Variants in STOML3 observed in about 807,000 individuals in gnomAD.
STOML3 encodes the protein stomatin-like protein 3.
A neutral mutation model predicts 29.5 loss-of-function variants in STOML3; 31 were observed. The observed-to-expected ratio is 1.05, with a 90% CI of 0.79 to 1.42. The LOEUF is 1.42. Ranked by LOEUF, STOML3 falls within the 40% of genes most tolerant of loss-of-function variation. STOML3 has a pLI of 0.00. For missense variants in STOML3, 380 were observed against 363.0 expected (o/e 1.05, Z -0.38); for synonymous variants, 122 against 139.8 (o/e 0.87, Z 0.90).
intron 1 of STOML3, among the ~76,000 whole-genome samples, chr13:38,988,034 T>C (rs1868698938): frequency 9.1e-6 from 1 of 110,362 alleles, no homozygotes; most frequent in African/African-American, 3.4e-5. Flanking sequence ...TATTATATTT[T>C]ATATCATATA....
chr13:38,975,307 C>G (rs1309106241), intron 3 of STOML3, among the ~76,000 whole-genome samples: 1 of 143,176 alleles, frequency 7.0e-6, no homozygotes, highest in Non-Finnish European at 1.5e-5. Context: ...GGCGACAGAG[C>G]GAGACTCTGT....
At chr13:38,967,746 C>A (rs557497578) in intron 6 of STOML3, among the ~76,000 whole-genome samples, 1 of 152,318 alleles carries the variant, frequency 6.6e-6, no homozygotes, top group South Asian at 2.1e-4. Context: ...GAAACACCTT[C>A]ATCAGCTAAC....
intron 3 of STOML3, among the ~76,000 whole-genome samples, chr13:38,973,450 C>G (rs1880964703): frequency 1.3e-5 from 2 of 152,132 alleles, no homozygotes; most frequent in Admixed American, 1.3e-4. Flanking sequence ...TCAAGATGCT[C>G]ATAGATGCAG....
intron 3 of STOML3, among the ~76,000 whole-genome samples, chr13:38,973,229 C>G (rs1192663881): frequency 2.0e-5 from 3 of 151,398 alleles, no homozygotes; most frequent in Admixed American, 2.0e-4. Context: ...TTGCAGTGAG[C>G]CAAGATCGTG....
chr13:38,988,134 T>C (rs184737081), intron 1 of STOML3, among the ~76,000 whole-genome samples: 250 of 98,144 alleles, frequency 2.5e-3, no homozygotes, highest in African/African-American at 0.011. Context: ...TTATATTTTA[T>C]ATCATATATT....
At chr13:38,989,784 C>A (rs762231457) in intron 1 of STOML3, among the ~76,000 whole-genome samples, 6 of 152,246 alleles carry the variant, frequency 3.9e-5, no homozygotes, top group Non-Finnish European at 7.4e-5. Context: ...GGGCATGCAC[C>A]AGTGCATGCA....
intron 1 of STOML3, among the ~76,000 whole-genome samples, chr13:38,988,174 T>G (rs1332372505): frequency 1.4e-4 from 13 of 94,034 alleles, no homozygotes; most frequent in Admixed American, 1.1e-3. Flanking sequence ...TATAATATAT[T>G]ATATTTTATA....
Position 38,976,599 on chromosome 13 carries a change from T to C in STOML3, c.170A>G (p.Tyr57Cys), listed in dbSNP as rs1881085035. Residue 57 changes from tyrosine (Y) to cysteine (C), a missense_variant, in exon 3 of 7, where the codon TAT becomes TGT. Transcript: ENST00000379631. ...IWMCLKIIKE[Y>C]ERAVVFRLGR... is the part of the protein sequence containing the mutation. ...CAGACGGAATACAACAGCACGTTCA[T>C]ACTCCTTAATGATCTAGGAGATTAA... 1 of 1,614,228 alleles carries C rather than the reference T, an allele frequency of 6.2e-7. No homozygotes were observed. Among genetic ancestry groups the C allele is most frequent in the African/African-American group, 1.3e-5 (1 of 75,066 alleles).
At chr13:38,986,328 C>A (rs1336356202) in intron 1 of STOML3, among the ~76,000 whole-genome samples, 1 of 151,978 alleles carries the variant, frequency 6.6e-6, no homozygotes, top group Non-Finnish European at 1.5e-5. Context: ...AGCCACTATA[C>A]CTAGCCTATA....
At chr13:38,977,884 C>G (rs1019028295) in intron 1 of STOML3, among the ~76,000 whole-genome samples, 7 of 149,010 alleles carry the variant, frequency 4.7e-5, no homozygotes, top group Non-Finnish European at 1.0e-4. Context: ...CTCAGCCTCC[C>G]GAGTAGCTGG....
At chr13:38,969,405 T>G (rs1356883449) in intron 5 of STOML3, among the ~76,000 whole-genome samples, 1 of 152,186 alleles carries the variant, frequency 6.6e-6, no homozygotes, top group African/African-American at 2.4e-5. Flanking sequence ...GTCAGTGACC[T>G]GGCTGTGGAT....
At chr13:38,986,250 G>A (rs1318705104) in intron 1 of STOML3, among the ~76,000 whole-genome samples, 1 of 151,660 alleles carries the variant, frequency 6.6e-6, no homozygotes, top group Non-Finnish European at 1.5e-5. Flanking sequence ...GGACAGGCTG[G>A]TCTCAAACTC....
intron 6 of STOML3, 81 bp from the exon 7 acceptor site, chr13:38,967,130 TACCC>T: frequency 3.1e-6 from 4 of 1,280,716 alleles, no homozygotes; most frequent in Non-Finnish European, 2.1e-6. Flanking sequence ...TCTGTATTGA[TACCC>T]CTCTCCCCAG....
chr13:38,976,567 T>C lies in STOML3; in HGVS notation c.202A>G (p.Ile68Val). ...ERAVVFRLGR[I>V]QADKAKGPGL... ...GGCCCCTTGGCTTTGTCAGCTTGGA[T>C]GCGTCCCAGACGGAATACAACAGCA... The change falls in exon 3 of 7, where the codon ATC (isoleucine) becomes GTC (valine). Residue 68 changes from isoleucine to valine, a missense_variant. Ile to Val is a conservative substitution (Grantham distance 29). Coordinates refer to ENST00000379631, the MANE Select transcript of STOML3 (RefSeq NM_145286.3). 1 of 1,614,224 alleles carries C rather than the reference T, an allele frequency of 6.2e-7. No homozygotes were observed. The highest frequency in any genetic ancestry group is 8.5e-7 in the Non-Finnish European group (1 of 1,180,044).
chr13:38,968,011 C>CAGCTTTATG (rs1880721026), intron 6 of STOML3, among the ~76,000 whole-genome samples: 1 of 152,086 alleles, frequency 6.6e-6, no homozygotes, highest in South Asian at 2.1e-4. Flanking sequence ...TCTAAGTCAC[C>CAGCTTTATG]AGCTTTATGA....
At chr13:38,990,537 T>C (rs914704800) in intron 1 of STOML3, 133 bp downstream of exon 1, 1 of 747,688 alleles carries the variant, frequency 1.3e-6, no homozygotes, top group Non-Finnish European at 2.1e-6. Context: ...TTCAAAATCC[T>C]GGGCTATAAA....
chr13:38,971,723 G>A (rs1880873439), intron 4 of STOML3, among the ~76,000 whole-genome samples: 1 of 152,116 alleles, frequency 6.6e-6, no homozygotes, highest in South Asian at 2.1e-4. Flanking sequence ...AGGAGTTCGA[G>A]AGACCAGTCT....
At position 38,972,552 on chromosome 13, in the gene STOML3, A is replaced by G. The variant is rs1331949830; in HGVS notation, c.272T>C (p.Val91Ala). Residue 91 changes from valine (V) to alanine (A), a missense_variant, in exon 4 of 7, where the codon GTT becomes GCT. Coordinates refer to ENST00000379631, the MANE Select transcript of STOML3 (RefSeq NM_145286.3). Reference sequence around the variant, plus strand: ...GTTGCAAGTAACTGTTCGGAGGTCAACTTTGACAAACACATCTATGCATGG... The same window carrying G: ...GTTGCAAGTAACTGTTCGGAGGTCAGCTTTGACAAACACATCTATGCATGG... ...VLPCIDVFVK[V>A]DLRTVTCNIP... 2.5e-6 allele frequency: 4 copies of G among 1,614,126 alleles called. No homozygotes were observed. Among genetic ancestry groups the G allele is most frequent in the Non-Finnish European group, 2.5e-6 (3 of 1,179,992 alleles).
At position 38,979,678 on chromosome 13, in the gene STOML3, A is replaced by G. The variant is rs117819313; in HGVS notation, c.53-2881T>C. Among the ~76,000 whole-genome samples, 1,221 of 152,254 alleles carry G rather than the reference A, an allele frequency of 8.0e-3. 9 individuals carry two copies. Among genetic ancestry groups the G allele is most frequent in the Non-Finnish European group, 0.014 (941 of 68,000 alleles). ...ACACCTGTGTCTCAGTTTACTTACC[A>G]TTCTCCTATTGATCATTAAGGTTAT... On this transcript the variant is annotated intron_variant, in intron 1 of 6. Coordinates refer to ENST00000379631, the MANE Select transcript of STOML3 (RefSeq NM_145286.3).
Sources: allele counts gnomAD v4.1 joint callset (sites outside exome capture counted in the v4.1 genomes callset), GRCh38; gene constraint gnomAD v4.1.1; transcripts MANE v1.5; gene names NCBI Gene and HGNC (gene_info 2026-07-23, HGNC 2026-07-21).